Variants in BBX observed in about 807,000 individuals in gnomAD.
BBX encodes BBX high mobility group box domain containing.
BBX carries 30 observed loss-of-function variants against 100.2 expected under a neutral mutation model. The ratio of observed to expected loss-of-function variants is 0.30; its 90% CI spans 0.22 to 0.41. The LOEUF (loss-of-function observed/expected upper bound fraction) is 0.41, where lower values mean the gene tolerates loss of function less well. Among genes scored for constraint, BBX ranks in the 10% least tolerant of loss-of-function variants. BBX has a pLI of 1.00. For synonymous variants in BBX, 376 were observed against 388.1 expected, an observed-to-expected ratio of 0.97 and a Z score of 0.37; for missense variants, 1,023 against 1,129.8, an observed-to-expected ratio of 0.91 and a Z score of 1.35.
chr3:107,522,992 A>G lies in BBX; in HGVS notation c.-271A>G, dbSNP rs921900112. On this transcript the variant is annotated 5_prime_UTR_variant, in exon 1 of 18. Coordinates refer to ENST00000325805, the MANE Select transcript of BBX (RefSeq NM_001142568.3). Reference sequence around the variant, plus strand: ...ATGTACTGTATGTGGAGCAGTGTACAGTGAAGCGGAGGCAGAGCGGCTCCG... The same window carrying G: ...ATGTACTGTATGTGGAGCAGTGTACGGTGAAGCGGAGGCAGAGCGGCTCCG... 3 of 153,032 alleles carry G rather than the reference A, an allele frequency of 2.0e-5. No individual in the cohort carries two copies. The highest frequency in any genetic ancestry group is 4.4e-5 in the Non-Finnish European group (3 of 68,558). 9.5% of individuals were successfully genotyped at this position (153,032 alleles called of 1,614,324 possible).
chr3:107,617,451 A>G (rs185001086), intron 2 of BBX, among the ~76,000 whole-genome samples: 130 of 152,194 alleles, frequency 8.5e-4, no homozygotes, highest in African/African-American at 3.0e-3. Flanking sequence ...TCAAATCTGT[A>G]TATCAATTTG....
intron 3 of BBX, among the ~76,000 whole-genome samples, chr3:107,673,815 G>A (rs553455000): frequency 2.0e-5 from 3 of 152,112 alleles, no homozygotes; most frequent in South Asian, 4.1e-4. Context: ...AAGCCCACTT[G>A]TTAGAAATAC....
In BBX at chr3:107,807,194, C is replaced by T. The variant is rs987886012; in HGVS notation, c.*1737C>T. 4 of 151,666 alleles carry T rather than the reference C, an allele frequency of 2.6e-5. No homozygotes were observed. Among genetic ancestry groups the T allele is most frequent in the African/African-American group, 9.7e-5 (4 of 41,262 alleles). The allele number at this position is 151,666 out of a possible 1,614,324, so 9.4% of individuals were successfully genotyped here. A position where few individuals can be genotyped will look rare whatever the true frequency, so the allele number is the denominator to read the frequency against. On this transcript the variant is annotated 3_prime_UTR_variant, in exon 18 of 18. Transcript: ENST00000325805. ...TGAAAAAAAAATAGAGGTTTTTCTT[C>T]TTGTTTTTTTTTCCAAAGCAGGTAA...
intron 5 of BBX, among the ~76,000 whole-genome samples, chr3:107,721,486 G>T (rs1420069280): frequency 6.6e-6 from 1 of 151,858 alleles, no homozygotes; most frequent in Non-Finnish European, 1.5e-5. Context: ...TTTGAGTATG[G>T]TTTAATTAGG....
intron 5 of BBX, among the ~76,000 whole-genome samples, chr3:107,718,373 A>T (rs972056725): frequency 6.6e-6 from 1 of 150,404 alleles, no homozygotes; most frequent in Non-Finnish European, 1.5e-5. Flanking sequence ...GATTTTAACT[A>T]TATAGGGCCT....
chr3:107,557,819 T>C lies in BBX; in HGVS notation c.-84+31421T>C, dbSNP rs180870473. ...AGTAGATTGATTTCAGTTGTTAGTG[T>C]TAGGTAATAAAGGAGACACAAAGTT... On this transcript the variant is annotated intron_variant, in intron 2 of 17. Coordinates refer to ENST00000325805, the MANE Select transcript of BBX (RefSeq NM_001142568.3). 1.7e-3 allele frequency among the ~76,000 whole-genome samples: 255 copies of C among 152,298 alleles called. 1 individual carries two copies. The highest frequency in any genetic ancestry group is 6.0e-3 in the African/African-American group (249 of 41,558).
chr3:107,546,368 GT>G (rs1201303638), intron 2 of BBX, among the ~76,000 whole-genome samples: 3 of 152,144 alleles, frequency 2.0e-5, no homozygotes, highest in Non-Finnish European at 4.4e-5. Context: ...AAGGACCATA[GT>G]TTTTATAGCC....
chr3:107,679,404 T>G (rs1032245418), intron 3 of BBX, among the ~76,000 whole-genome samples: 2 of 152,114 alleles, frequency 1.3e-5, no homozygotes, highest in Non-Finnish European at 2.9e-5. Flanking sequence ...GAGTCGCATA[T>G]TTTCTCAGCT....
At chr3:107,734,562 A>G (rs2063521754) in intron 7 of BBX, among the ~76,000 whole-genome samples, 1 of 152,202 alleles carries the variant, frequency 6.6e-6, no homozygotes, top group African/African-American at 2.4e-5. Flanking sequence ...ACCTTTCAAC[A>G]TGTCTGACTC....
At chr3:107,620,941 T>TGG (rs771288356) in intron 2 of BBX, among the ~76,000 whole-genome samples, 2 of 51,764 alleles carry the variant, frequency 3.9e-5, no homozygotes, top group Admixed American at 2.6e-4. Flanking sequence ...GGAGTGTGTG[T>TGG]GTGGGGGGGT....
intron 3 of BBX, among the ~76,000 whole-genome samples, chr3:107,651,225 C>G (rs1424613630): frequency 1.3e-5 from 2 of 152,164 alleles, no homozygotes; most frequent in Admixed American, 1.3e-4. Context: ...AAAATACTTT[C>G]TACGTGATTT....
chr3:107,799,588 C>A (rs1349759643), intron 16 of BBX, among the ~76,000 whole-genome samples: 1 of 152,056 alleles, frequency 6.6e-6, no homozygotes, highest in African/African-American at 2.4e-5. Flanking sequence ...TGACCATGGT[C>A]TGCTGTTCGG....
intron 3 of BBX, among the ~76,000 whole-genome samples, chr3:107,703,376 C>CA (rs1466071363): frequency 2.0e-5 from 3 of 152,172 alleles, no homozygotes; most frequent in Non-Finnish European, 4.4e-5. Context: ...TTGTCTCTTT[C>CA]AAGGTAGCTT....
At chr3:107,736,978 T>C (rs141678497) in intron 7 of BBX, among the ~76,000 whole-genome samples, 1 of 152,240 alleles carries the variant, frequency 6.6e-6, no homozygotes, top group Non-Finnish European at 1.5e-5. Context: ...CCTTAGACTT[T>C]GGGTCTGTGA....
In BBX at chr3:107,773,834, A is replaced by G. The variant is rs2067105342; in HGVS notation, c.1915+198A>G. On this transcript the variant is annotated intron_variant, in intron 11 of 17. Transcript: ENST00000325805. The surrounding 1 kb of genome is among the most constrained non-coding windows in gnomAD (Gnocchi z 4.1). ...TTTCTAGCACCATTAAGGGAAGTGT[A>G]TTCATTTTGTAGGTAGTTCTCAGGA... Among the ~76,000 whole-genome samples the G allele has an allele frequency of 6.6e-6, 1 of 152,166 alleles. No individual in the cohort carries two copies. The highest frequency in any genetic ancestry group is 2.4e-5 in the African/African-American group (1 of 41,430).
chr3:107,785,723 A>G (rs897277564), intron 13 of BBX, among the ~76,000 whole-genome samples: 8 of 152,066 alleles, frequency 5.3e-5, no homozygotes. Flanking sequence ...AGCTAACATG[A>G]TACTTAATGG....
At chr3:107,682,949 A>G (rs761619859) in intron 3 of BBX, among the ~76,000 whole-genome samples, 3 of 152,162 alleles carry the variant, frequency 2.0e-5, no homozygotes, top group Non-Finnish European at 4.4e-5. Context: ...AAAATATTTG[A>G]TTTTAAAATA....
intron 5 of BBX, among the ~76,000 whole-genome samples, chr3:107,728,329 G>A (rs921291226): frequency 1.3e-5 from 2 of 152,088 alleles, no homozygotes; most frequent in African/African-American, 4.8e-5. Context: ...GGCACTGGTG[G>A]TATTATTCTC....
intron 2 of BBX, among the ~76,000 whole-genome samples, chr3:107,548,527 T>A (rs2107407621): frequency 6.6e-6 from 1 of 152,240 alleles, no homozygotes; most frequent in South Asian, 2.1e-4. Context: ...TAGTATACAT[T>A]TAAAGACAAA....
Sources: gnomAD v4.1 joint callset for allele counts (sites outside exome capture counted in the v4.1 genomes callset) on GRCh38, gnomAD v4.1.1 for gene constraint, Gnocchi (gnomAD v3.1) non-coding constraint, MANE v1.5 for transcripts, NCBI Gene and HGNC (gene_info 2026-07-23, HGNC 2026-07-21) for gene names.